The following HMGA2 variants were observed in gnomAD, a reference collection of about 807,000 sequenced individuals.
HMGA2 encodes the protein high mobility group AT-hook 2.
A neutral mutation model predicts 19.1 loss-of-function variants in HMGA2; 8 were observed. That is an observed-to-expected ratio of 0.42 (90% CI 0.25 to 0.76). HMGA2 has a LOEUF of 0.76. Ranked by LOEUF, HMGA2 falls within the 30% of genes least tolerant of loss-of-function variation. The probability of loss-of-function intolerance (pLI) is 0.28; values close to 1 mark genes in which losing one functional copy is unlikely to be tolerated. For synonymous variants in HMGA2, 60 were observed against 48.8 expected, an observed-to-expected ratio of 1.23 and a Z score of -0.96; for missense variants, 109 against 136.3, an observed-to-expected ratio of 0.80 and a Z score of 1.00.
chr12:65,915,858 A>T (rs1875080100), intron 3 of HMGA2, among the ~76,000 whole-genome samples: 1 of 152,244 alleles, frequency 6.6e-6, no homozygotes, highest in Non-Finnish European at 1.5e-5. Context: ...CAAAATCAAG[A>T]TAGTTAATTC....
At chr12:65,902,700 T>C (rs898255970) in intron 3 of HMGA2, among the ~76,000 whole-genome samples, 1 of 152,146 alleles carries the variant, frequency 6.6e-6, no homozygotes, top group Non-Finnish European at 1.5e-5. Context: ...ACAGTATGTT[T>C]TGGTATCTTT....
intron 3 of HMGA2, among the ~76,000 whole-genome samples, chr12:65,884,001 G>A (rs1873552592): frequency 1.3e-5 from 2 of 152,246 alleles, no homozygotes; most frequent in South Asian, 2.1e-4. Context: ...GGGTAACTGG[G>A]ATTACAGGCG....
chr12:65,895,016 A>G (rs771217611), intron 3 of HMGA2, among the ~76,000 whole-genome samples: 1 of 152,228 alleles, frequency 6.6e-6, no homozygotes, highest in Non-Finnish European at 1.5e-5. Context: ...GTAAAACAGC[A>G]TTTAAAACAA....
rs1876842423 is a variant in HMGA2, at chr12:65,964,306, G to C, written c.*1014G>C. The stretch of plus-strand genomic sequence containing the variant: ...TAAAAAGCAAAAAAAAAAAAGGGGG[G>C]GGCAATCTCTCTCTGTGTCTTTCTC... On this transcript the variant is annotated 3_prime_UTR_variant, in exon 5 of 5. Transcript: ENST00000403681. 1 of 213,964 alleles carries C rather than the reference G, an allele frequency of 4.7e-6. No individual in the cohort carries two copies. The highest frequency in any genetic ancestry group is 9.3e-6 in the Non-Finnish European group (1 of 107,342). The allele number at this position is 213,964 out of a possible 1,614,324, so 13.3% of individuals were successfully genotyped here.
At chr12:65,960,324 C>T (rs1348477927) in intron 4 of HMGA2, among the ~76,000 whole-genome samples, 1 of 152,236 alleles carries the variant, frequency 6.6e-6, no homozygotes, top group East Asian at 1.9e-4. Flanking sequence ...TCTGTTCCCT[C>T]TTTGCACCAC....
chr12:65,866,450 T>C (rs574664734), intron 3 of HMGA2, among the ~76,000 whole-genome samples: 235 of 152,288 alleles, frequency 1.5e-3, no homozygotes, highest in Non-Finnish European at 2.7e-3. Flanking sequence ...TTGCAGCTGG[T>C]AGACCTGTGG....
chr12:65,883,363 G>A (rs1873520289), intron 3 of HMGA2, among the ~76,000 whole-genome samples: 1 of 152,170 alleles, frequency 6.6e-6, no homozygotes, highest in Admixed American at 6.5e-5. Context: ...TTAAAGATAA[G>A]GATAACAACA....
At chr12:65,842,967 T>C in intron 3 of HMGA2, 1 of 889,940 alleles carries the variant, frequency 1.1e-6, no homozygotes, top group Non-Finnish European at 1.4e-6. Flanking sequence ...CAGCTAGTGC[T>C]TCTGGAGGAA....
At chr12:65,833,154 A>G (rs1439041918) in intron 2 of HMGA2, among the ~76,000 whole-genome samples, 6 of 152,124 alleles carry the variant, frequency 3.9e-5, no homozygotes, top group Non-Finnish European at 4.4e-5. Context: ...TTCAAGGCTA[A>G]AAGTGTTGCA....
At position 65,824,965 on chromosome 12, in the gene HMGA2, T is replaced by G; in HGVS notation, c.-306T>G. On this transcript the variant is annotated 5_prime_UTR_variant, in exon 1 of 5. Transcript: ENST00000403681. ...CTTCTCCCTCGCTTCCCTCCTCCTC[T>G]TGCTACCTCCACCTCCACCGCCACC... is the stretch of plus-strand genomic sequence containing the variant. 2.5e-6 allele frequency: 1 copy of G among 393,848 alleles called. No homozygotes were observed. Among genetic ancestry groups the G allele is most frequent in the Non-Finnish European group, 4.6e-6 (1 of 218,742 alleles). The allele number at this position is 393,848 out of a possible 1,614,324, so 24.4% of individuals were successfully genotyped here. A position where few individuals can be genotyped will look rare whatever the true frequency, so the allele number is the denominator to read the frequency against.
intron 3 of HMGA2, among the ~76,000 whole-genome samples, chr12:65,852,828 A>G (rs1871543385): frequency 1.3e-5 from 2 of 152,290 alleles, no homozygotes; most frequent in Admixed American, 1.3e-4. Context: ...CTATGTGGTA[A>G]TAAATAGGTG....
chr12:65,914,750 T>C (rs945847917), intron 3 of HMGA2: 17 of 366,828 alleles, frequency 4.6e-5, no homozygotes, highest in African/African-American at 1.3e-4. Context: ...TCTCGGCTCA[T>C]TGCAACCTCC....
chr12:65,893,273 G>C (rs1208485777), intron 3 of HMGA2, among the ~76,000 whole-genome samples: 1 of 152,220 alleles, frequency 6.6e-6, no homozygotes, highest in Non-Finnish European at 1.5e-5. Flanking sequence ...CCTCACCCCA[G>C]TGTGGTCACA....
chr12:65,854,537 T>C (rs1336127023), intron 3 of HMGA2, among the ~76,000 whole-genome samples: 1 of 152,220 alleles, frequency 6.6e-6, no homozygotes, highest in Non-Finnish European at 1.5e-5. Flanking sequence ...ATATACAACT[T>C]TATCACATGT....
intron 4 of HMGA2, among the ~76,000 whole-genome samples, chr12:65,959,234 C>G (rs1303374234): frequency 1.3e-5 from 2 of 152,154 alleles, no homozygotes; most frequent in Non-Finnish European, 2.9e-5. Flanking sequence ...GGTATATATA[C>G]CACATGCATC....
intron 3 of HMGA2, among the ~76,000 whole-genome samples, chr12:65,850,618 C>A (rs1365884080): frequency 1.3e-5 from 2 of 151,524 alleles, no homozygotes; most frequent in East Asian, 3.9e-4. Context: ...AAATATATTA[C>A]AATAAACATT....
intron 3 of HMGA2, among the ~76,000 whole-genome samples, chr12:65,920,334 G>C (rs1364585132): frequency 2.0e-5 from 3 of 152,080 alleles, no homozygotes; most frequent in Non-Finnish European, 2.9e-5. Flanking sequence ...GAATCTGGGG[G>C]CTTGCCAAGT....
At chr12:65,837,708 T>C (rs974323601) in intron 2 of HMGA2, among the ~76,000 whole-genome samples, 2 of 152,242 alleles carry the variant, frequency 1.3e-5, no homozygotes, top group African/African-American at 4.8e-5. Flanking sequence ...ATAAATAATG[T>C]TAACAACTGT....
At chr12:65,836,994 C>T (rs1255900690) in intron 2 of HMGA2, among the ~76,000 whole-genome samples, 1 of 152,132 alleles carries the variant, frequency 6.6e-6, no homozygotes, top group East Asian at 1.9e-4. Flanking sequence ...GGGTTCAAAT[C>T]CCAGGTCTGC....
Sources: allele counts gnomAD v4.1 joint callset (sites outside exome capture counted in the v4.1 genomes callset), GRCh38; gene constraint gnomAD v4.1.1; transcripts MANE v1.5; gene names NCBI Gene and HGNC (gene_info 2026-07-23, HGNC 2026-07-21).